The following ANXA4 variants were observed in gnomAD, a reference collection of about 807,000 sequenced individuals.
The protein encoded by ANXA4 is 35-beta calcimedin.
A neutral mutation model predicts 49.8 loss-of-function variants in ANXA4; 39 were observed. The observed-to-expected ratio is 0.78, with a 90% CI of 0.61 to 1.02. The LOEUF is 1.02. ANXA4 is among the 50% of genes least tolerant of loss of function. The probability of loss-of-function intolerance (pLI) is 0.00; values close to 1 mark genes in which losing one functional copy is unlikely to be tolerated. For synonymous variants in ANXA4, 134 were observed against 152.5 expected (o/e 0.88, Z 0.89); for missense variants, 360 against 410.1 (o/e 0.88, Z 1.05).
chr2:69,788,533 C>A (rs993252236), intron 3 of ANXA4, among the ~76,000 whole-genome samples: 4 of 151,414 alleles, frequency 2.6e-5, no homozygotes, highest in African/African-American at 9.7e-5. Context: ...GAGTGAGACT[C>A]CATCTCAAAA....
rs150066206 is a variant in ANXA4 at position 69,813,797 on chromosome 2, G to A, written c.534+1088G>A. 3.1e-3 allele frequency among the ~76,000 whole-genome samples: 411 copies of A among 131,464 alleles called. 8 individuals are homozygous for A. Among genetic ancestry groups the A allele is most frequent in the Non-Finnish European group, 2.9e-3 (186 of 64,742 alleles). The allele number at this position is 131,464 out of a possible 152,430, so 86.2% of individuals were successfully genotyped here. ...TTTTTTGAGACAGGGTCTCACTGTC[G>A]TCCAGACTGGAGTGTGGTGGTGTGA... On this transcript the variant is annotated intron_variant, in intron 8 of 12. Transcript: ENST00000394295.
chr2:69,708,964 T>C (rs936271760), intron 2 of ANXA4, among the ~76,000 whole-genome samples: 1 of 152,198 alleles, frequency 6.6e-6, no homozygotes, highest in Non-Finnish European at 1.5e-5. Flanking sequence ...TGAATATTAT[T>C]TCTTTGTCTC....
intron 2 of ANXA4, among the ~76,000 whole-genome samples, chr2:69,654,434 C>T (rs1329576696): frequency 6.6e-6 from 1 of 152,034 alleles, no homozygotes; most frequent in African/African-American, 2.4e-5. Flanking sequence ...TCATAAATGG[C>T]TCTTATTATT....
At chr2:69,714,471 G>A (rs1678807847) in intron 2 of ANXA4, among the ~76,000 whole-genome samples, 1 of 152,194 alleles carries the variant, frequency 6.6e-6, no homozygotes, top group African/African-American at 2.4e-5. Context: ...GAGGGCACGT[G>A]ACCGAAAACT....
chr2:69,797,314 A>G (rs906941465), intron 3 of ANXA4, among the ~76,000 whole-genome samples: 1 of 152,122 alleles, frequency 6.6e-6, no homozygotes, highest in East Asian at 1.9e-4. Context: ...TCCCAGCACC[A>G]TAGTTGCAGC....
Position 69,783,650 on chromosome 2 carries a change from G to A in ANXA4, c.9+2076G>A, listed in dbSNP as rs75790570. 1.1e-4 allele frequency among the ~76,000 whole-genome samples: 16 copies of A among 152,208 alleles called. No individual in the cohort carries two copies. The East Asian group carries it at 2.9e-3, about 27-fold the overall frequency. Reference sequence around the variant, plus strand: ...TGCACATCCTTTAAGGTTACTGGTCGTTAAGTTTTGACAAATACATATATA... The same window carrying A: ...TGCACATCCTTTAAGGTTACTGGTCATTAAGTTTTGACAAATACATATATA... On this transcript the variant is annotated intron_variant, in intron 2 of 12. Transcript: ENST00000394295.
At chr2:69,787,963 TG>T in intron 2 of ANXA4, 90 bp from the exon 3 acceptor site, 1 of 1,099,306 alleles carries the variant, frequency 9.1e-7, no homozygotes, top group Non-Finnish European at 1.4e-6. Context: ...ATCTAGGCTA[TG>T]GTCAGTGCTC....
chr2:69,759,164 A>G (rs1294094461), intron 1 of ANXA4, among the ~76,000 whole-genome samples: 1 of 151,806 alleles, frequency 6.6e-6, no homozygotes, highest in African/African-American at 2.4e-5. Context: ...TAATTCTGAG[A>G]TAGAAAATCT....
chr2:69,807,907 G>A lies in ANXA4; in HGVS notation c.308G>A (p.Gly103Glu), dbSNP rs751771934. The A allele has an allele frequency of 2.5e-6, 4 of 1,613,968 alleles. No homozygotes were observed. Among genetic ancestry groups the A allele is most frequent in the Non-Finnish European group, 3.4e-6 (4 of 1,179,944 alleles). Residue 103 changes from glycine (G) to glutamate (E), a missense_variant and splice_region_variant, in exon 6 of 13, where the codon GGA becomes GAA. Transcript: ENST00000394295. ...CCTGTCCTCTGGTTTCTTGTTTAGG[G>A]AGCCGGCACTGATGAGGGCTGCCTA... ...DVQELRRAMK[G>E]AGTDEGCLIE...
intron 1 of ANXA4, among the ~76,000 whole-genome samples, chr2:69,648,494 A>C (rs1006661155): frequency 6.6e-6 from 1 of 152,186 alleles, no homozygotes; most frequent in Non-Finnish European, 1.5e-5. Flanking sequence ...TGTTTAGCAG[A>C]AGCGAACTTG....
At chr2:69,818,413 C>CTT in intron 9 of ANXA4, 186 bp from the exon 10 acceptor site, 1 of 382,746 alleles carries the variant, frequency 2.6e-6, no homozygotes. Context: ...TTTCTTCCTC[C>CTT]TTATCTGGGG....
intron 2 of ANXA4, among the ~76,000 whole-genome samples, chr2:69,658,987 T>C (rs561789103): frequency 1.9e-3 from 287 of 152,340 alleles, no homozygotes; most frequent in South Asian, 4.3e-3. Flanking sequence ...TGAGCCACTA[T>C]GCCTGGCCAC....
At chr2:69,818,323 C>A in intron 9 of ANXA4, 1 of 222,872 alleles carries the variant, frequency 4.5e-6, no homozygotes, top group Non-Finnish European at 8.8e-6. Flanking sequence ...GCAAAGCTCC[C>A]CAGAGGCCAT....
In ANXA4 at chr2:69,705,486, C is replaced by A. The variant is rs568026430; in HGVS notation, n.767-15288C>A. On this transcript the variant is annotated intron_variant and non_coding_transcript_variant, in intron 2 of 3. Transcript: ENST00000418066. ...GGATGGCTCAGAGCGTCCCAGTTCA[C>A]CCTAAAGTGTAAGCTGCAGTAACCA... Among the ~76,000 whole-genome samples the A allele has an allele frequency of 1.2e-4, 18 of 152,318 alleles. No homozygotes were observed. In the South Asian group the frequency reaches 3.7e-3, roughly 32 times the overall value.
Position 69,768,962 on chromosome 2 carries a change from C to T in ANXA4, c.-46-12558C>T, listed in dbSNP as rs184651593. Among the ~76,000 whole-genome samples the T allele has an allele frequency of 4.7e-3, 713 of 152,160 alleles. 7 individuals are homozygous for T. The highest frequency in any genetic ancestry group is 7.4e-3 in the African/African-American group (306 of 41,536). On this transcript the variant is annotated intron_variant, in intron 1 of 12. Coordinates refer to ENST00000394295, the MANE Select transcript of ANXA4 (RefSeq NM_001153.5). ...AAAAAAAACCTCCACCAACAAAAAA[C>T]CAGCCAACTGAAATTCCAAAGGTCT...
chr2:69,696,189 T>G (rs1228701402), intron 2 of ANXA4, among the ~76,000 whole-genome samples: 5 of 152,230 alleles, frequency 3.3e-5, no homozygotes, highest in African/African-American at 1.2e-4. Flanking sequence ...CTCAAACCCT[T>G]AGTTGATGCT....
intron 1 of ANXA4, among the ~76,000 whole-genome samples, chr2:69,762,969 T>G (rs967175672): frequency 2.6e-5 from 4 of 152,260 alleles, no homozygotes; most frequent in African/African-American, 7.2e-5. Context: ...CATTATCTCA[T>G]GACCATCCTA....
At chr2:69,812,609 T>C (rs749093252) in intron 7 of ANXA4, 44 bp from the exon 8 acceptor site, 1 of 1,550,282 alleles carries the variant, frequency 6.5e-7, no homozygotes, top group Non-Finnish European at 8.9e-7. Flanking sequence ...CAGATCTTCA[T>C]GTATACTCTC....
At chr2:69,667,782 T>C (rs1292237510) in intron 2 of ANXA4, among the ~76,000 whole-genome samples, 1 of 152,234 alleles carries the variant, frequency 6.6e-6, no homozygotes, top group African/African-American at 2.4e-5. Context: ...GAGCCATTCT[T>C]CCTGCTTAGA....
Sources: allele counts gnomAD v4.1 joint callset (sites outside exome capture counted in the v4.1 genomes callset), GRCh38; gene constraint gnomAD v4.1.1; transcripts MANE v1.5; gene names NCBI Gene and HGNC (gene_info 2026-07-23, HGNC 2026-07-21).